The following PRKN variants were observed in gnomAD, a reference collection of about 807,000 sequenced individuals.
PRKN encodes E3 ubiquitin-protein ligase parkin.
PRKN carries 56 observed loss-of-function variants against 59.5 expected under a neutral mutation model. The ratio of observed to expected loss-of-function variants is 0.94; its 90% CI spans 0.76 to 1.18. The LOEUF (loss-of-function observed/expected upper bound fraction) is 1.18. Among genes scored for constraint, PRKN ranks in the 50% most tolerant of loss-of-function variants. The pLI is 0.00. For synonymous variants in PRKN, 250 were observed against 222.1 expected, an observed-to-expected ratio of 1.13 and a Z score of -1.12; for missense variants, 657 against 596.4, an observed-to-expected ratio of 1.10 and a Z score of -1.06.
intron 4 of PRKN, among the ~76,000 whole-genome samples, chr6:162,166,047 CAAAAAAAAA>C (rs10557222): frequency 8.7e-5 from 7 of 80,240 alleles, no homozygotes; most frequent in African/African-American, 1.5e-4. Context: ...GACTCTATCT[CAAAAAAAAA>C]AAAAAAAAAA....
chr6:162,217,366 C>T (rs1046415001), intron 3 of PRKN, among the ~76,000 whole-genome samples: 2 of 152,084 alleles, frequency 1.3e-5, no homozygotes, highest in African/African-American at 4.8e-5. Context: ...CCACTACTTA[C>T]ATTTTTTTGT....
chr6:162,392,835 G>T (rs1787270646), intron 2 of PRKN, among the ~76,000 whole-genome samples: 1 of 152,066 alleles, frequency 6.6e-6, no homozygotes, highest in Admixed American at 6.6e-5. Context: ...TACCTGTAAG[G>T]ACACTTGTAT....
chr6:161,696,535 G>C (rs1010028426), intron 7 of PRKN, among the ~76,000 whole-genome samples: 5 of 152,152 alleles, frequency 3.3e-5, no homozygotes, highest in Non-Finnish European at 7.4e-5. Flanking sequence ...AAAGTTTCAA[G>C]GCTATTGGTA....
intron 4 of PRKN, among the ~76,000 whole-genome samples, chr6:162,087,940 C>A (rs1249775035): frequency 6.6e-6 from 1 of 152,158 alleles, no homozygotes; most frequent in Non-Finnish European, 1.5e-5. Context: ...ACAGCGTGGA[C>A]ATTCCAGCTT....
At chr6:162,108,910 T>C (rs1780301716) in intron 4 of PRKN, among the ~76,000 whole-genome samples, 1 of 152,158 alleles carries the variant, frequency 6.6e-6, no homozygotes, top group Non-Finnish European at 1.5e-5. Flanking sequence ...AGGAAGGAAC[T>C]GAGGGGTAAG....
rs1782969828 is a variant in PRKN at position 162,166,043 on chromosome 6, ATC to A, written c.534+35086_534+35087del. On this transcript the variant is annotated intron_variant, in intron 4 of 11. Transcript: ENST00000366898. ...AGCCTGGGCAACAGAGCGAGACTCT[ATC>A]TCAAAAAAAAAAAAAAAAAAAAAAA... Among the ~76,000 whole-genome samples, 5 of 70,714 alleles carry A rather than the reference ATC, an allele frequency of 7.1e-5. No individual in the cohort carries two copies. The Admixed American group carries it at 7.7e-4, about 11-fold the overall frequency. The allele number at this position is 70,714 out of a possible 152,430, so 46.4% of individuals were successfully genotyped here.
chr6:161,531,433 G>A (rs1042442503), intron 9 of PRKN, among the ~76,000 whole-genome samples: 2 of 151,558 alleles, frequency 1.3e-5, no homozygotes, highest in African/African-American at 4.8e-5. Context: ...CCCTCGCCCA[G>A]CAACACAGCA....
At chr6:162,018,924 T>C (rs1289622445) in intron 5 of PRKN, among the ~76,000 whole-genome samples, 1 of 152,320 alleles carries the variant, frequency 6.6e-6, no homozygotes, top group East Asian at 1.9e-4. Context: ...TAATTTAGCC[T>C]TGGTGCACTA....
intron 10 of PRKN, among the ~76,000 whole-genome samples, chr6:161,381,189 G>C (rs767763695): frequency 2.0e-5 from 3 of 152,142 alleles, no homozygotes; most frequent in Non-Finnish European, 4.4e-5. Flanking sequence ...GCCATCCCTG[G>C]TATTGTGTTT....
intron 4 of PRKN, among the ~76,000 whole-genome samples, chr6:162,190,860 C>T (rs9347599): frequency 0.058 from 8,869 of 152,222 alleles, 705 homozygotes; most frequent in East Asian, 0.4. Context: ...TTCTTAAGCA[C>T]ATAAATTAAC....
chr6:162,630,875 C>A (rs927908710), intron 1 of PRKN, among the ~76,000 whole-genome samples: 1 of 151,930 alleles, frequency 6.6e-6, no homozygotes, highest in African/African-American at 2.4e-5. Context: ...ACTTGTAAAG[C>A]CAAAAATCAA....
At chr6:161,936,652 A>C (rs1208744787) in intron 6 of PRKN, among the ~76,000 whole-genome samples, 2 of 151,822 alleles carry the variant, frequency 1.3e-5, no homozygotes, top group East Asian at 3.9e-4. Context: ...TCCACCAGAG[A>C]CTCCTCCTGC....
At chr6:162,538,662 T>C (rs2803074) in intron 1 of PRKN, among the ~76,000 whole-genome samples, 143,595 of 152,170 alleles carry the variant, frequency 0.94, 67,892 homozygotes, top group African/African-American at 0.98. Context: ...GTGTGGGAAG[T>C]CAGCCTATTT....
intron 6 of PRKN, among the ~76,000 whole-genome samples, chr6:161,955,518 AAATTTC>A (rs1343106370): frequency 6.6e-6 from 1 of 152,226 alleles, no homozygotes; most frequent in Non-Finnish European, 1.5e-5. Flanking sequence ...ATAGGAAAAA[AAATTTC>A]AATTCAACTC....
At chr6:162,459,502 A>G (rs978622563) in intron 1 of PRKN, among the ~76,000 whole-genome samples, 1 of 152,144 alleles carries the variant, frequency 6.6e-6, no homozygotes, top group Non-Finnish European at 1.5e-5. Flanking sequence ...TTAATCTTTA[A>G]ATACAAAATT....
At chr6:162,246,518 T>G (rs1196590253) in intron 3 of PRKN, among the ~76,000 whole-genome samples, 1 of 152,224 alleles carries the variant, frequency 6.6e-6, no homozygotes, top group Non-Finnish European at 1.5e-5. Flanking sequence ...CTTCAAGTGT[T>G]CTAGATTTTT....
chr6:162,282,888 AAG>A (rs1172005068), intron 2 of PRKN, among the ~76,000 whole-genome samples: 2 of 152,290 alleles, frequency 1.3e-5, no homozygotes, highest in East Asian at 3.9e-4. Context: ...TAAAAAGTCT[AAG>A]CACACATTAC....
At chr6:162,280,389 G>C (rs1287857302) in intron 2 of PRKN, among the ~76,000 whole-genome samples, 1 of 152,196 alleles carries the variant, frequency 6.6e-6, no homozygotes, top group Non-Finnish European at 1.5e-5. Context: ...GTAGTGTCAA[G>C]GGGGAAATTT....
intron 2 of PRKN, among the ~76,000 whole-genome samples, chr6:162,344,628 CCT>C (rs1784321133): frequency 1.4e-5 from 2 of 147,260 alleles, no homozygotes. Context: ...TATGATGCCC[CCT>C]GCCCACCGAG....
Sources: gnomAD v4.1 joint callset for allele counts (sites outside exome capture counted in the v4.1 genomes callset) on GRCh38, gnomAD v4.1.1 for gene constraint, MANE v1.5 for transcripts, NCBI Gene and HGNC (gene_info 2026-07-23, HGNC 2026-07-21) for gene names.